The following RAI1 variants were observed in gnomAD, a reference collection of about 807,000 sequenced individuals.
The protein encoded by RAI1 is retinoic acid-induced protein 1.
Under a neutral mutation model 123.8 loss-of-function variants are expected in RAI1, and 9 were observed. That is an observed-to-expected ratio of 0.07 (90% CI 0.04 to 0.13). RAI1 has a LOEUF of 0.13. RAI1 is among the 10% of genes least tolerant of loss of function. The pLI, the probability that RAI1 is intolerant of heterozygous loss-of-function variation, is 1.00. For synonymous variants in RAI1, 1,231 were observed against 1,127.3 expected, an observed-to-expected ratio of 1.09 and a Z score of -1.84; for missense variants, 2,256 against 2,545.8, an observed-to-expected ratio of 0.89 and a Z score of 2.45.
At chr17:17,783,475 G>A (rs1316491896) in intron 2 of RAI1, among the ~76,000 whole-genome samples, 1 of 152,064 alleles carries the variant, frequency 6.6e-6, no homozygotes, top group African/African-American at 2.4e-5. Flanking sequence ...GAGTCCTGCG[G>A]ATTTTCTCCG....
Position 17,794,035 on chromosome 17 carries a change from C to T in RAI1, c.1087C>T (p.Leu363=). 6.2e-7 allele frequency: 1 copy of T among 1,614,002 alleles called. No individual in the cohort carries two copies. The highest frequency in any genetic ancestry group is 8.5e-7 in the Non-Finnish European group (1 of 1,180,036). Residue 363 remains leucine, a synonymous_variant, in exon 3 of 6, where the codon CTG becomes TTG. Transcript: ENST00000353383. ...SPSYSSTPSP[L]MPNLENFPYS... ...TTCCTACAGTTCCACACCGTCGCCG[C>T]TGATGCCAAACCTGGAGAACTTTCC...
At chr17:17,723,066 C>T (rs1915938576) in intron 1 of RAI1, among the ~76,000 whole-genome samples, 1 of 152,208 alleles carries the variant, frequency 6.6e-6, no homozygotes. Context: ...TACAGGCGCA[C>T]TGCCCCTACA....
At position 17,714,418 on chromosome 17, in the gene RAI1, T is replaced by C. The variant is rs1915652948; in HGVS notation, c.-148-9610T>C. 6.6e-6 allele frequency among the ~76,000 whole-genome samples: 1 copy of C among 152,084 alleles called. No homozygotes were observed. Among genetic ancestry groups the C allele is most frequent in the Non-Finnish European group, 1.5e-5 (1 of 68,024 alleles). ...CAGTGTCTAGGCCATCGCTGTGAAA[T>C]TGGAATTTGATACTAATCCTGGAGA... On this transcript the variant is annotated intron_variant, in intron 1 of 5. Coordinates refer to ENST00000353383, the MANE Select transcript of RAI1 (RefSeq NM_030665.4). This position sits in a 1 kb window ranked among gnomAD's most constrained non-coding sequence, Gnocchi z 4.9.
rs1254793482 is a variant in RAI1 at position 17,796,206 on chromosome 17, C to T, written c.3258C>T (p.Gly1086=). 2 of 1,554,254 alleles carry T rather than the reference C, an allele frequency of 1.3e-6. No individual in the cohort carries two copies. Among genetic ancestry groups the T allele is most frequent in the African/African-American group, 1.4e-5 (1 of 73,208 alleles). The part of the protein sequence containing the change: ...TTPAPPDKLG[G]KQRAAFKSGK... ...CTGCACCCCCAGACAAACTGGGGGG[C>T]AAGCAGCGAGCCGCCTTCAAGTCGG... is the stretch of plus-strand genomic sequence containing the variant. Residue 1086 remains glycine (G), a synonymous_variant, in exon 3 of 6, where the codon GGC becomes GGT. Transcript: ENST00000353383. This position sits in a 1 kb window ranked among gnomAD's most constrained non-coding sequence, Gnocchi z 5.8.
At chr17:17,806,172 A>G (rs188503500) in intron 4 of RAI1, among the ~76,000 whole-genome samples, 12 of 152,388 alleles carry the variant, frequency 7.9e-5, no homozygotes, top group East Asian at 7.7e-4. Flanking sequence ...CTGTCTGAAC[A>G]AGGGAGAAAT....
At chr17:17,752,040 T>C (rs796367315) in intron 2 of RAI1, among the ~76,000 whole-genome samples, 56 of 152,330 alleles carry the variant, frequency 3.7e-4, no homozygotes, top group African/African-American at 1.3e-3. Flanking sequence ...TAAATGTTTG[T>C]TGAAGTATGA....
At position 17,796,929 on chromosome 17, in the gene RAI1, G is replaced by A; in HGVS notation, c.3981G>A (p.Leu1327=). 1 of 1,613,558 alleles carries A rather than the reference G, an allele frequency of 6.2e-7. No individual in the cohort carries two copies. Among genetic ancestry groups the A allele is most frequent in the Non-Finnish European group, 8.5e-7 (1 of 1,180,046 alleles). Residue 1327 remains leucine, a synonymous_variant, in exon 3 of 6, where the codon CTG becomes CTA. Coordinates refer to ENST00000353383, the MANE Select transcript of RAI1 (RefSeq NM_030665.4). The surrounding 1 kb of genome is among the most constrained non-coding windows in gnomAD (Gnocchi z 5.8). ...KVLPPRKGRG[L]KLEAIVQKIT... is the part of the protein sequence containing the mutation. ...TGCCACCCCGGAAGGGCCGGGGCCT[G>A]AAGCTGGAAGCCATCGTGCAGAAGA...
At chr17:17,696,982 C>A (rs1051901626) in intron 1 of RAI1, among the ~76,000 whole-genome samples, 1 of 152,224 alleles carries the variant, frequency 6.6e-6, no homozygotes, top group Non-Finnish European at 1.5e-5. Context: ...TCTCTAGCCT[C>A]TCTCTGGAGG....
intron 2 of RAI1, among the ~76,000 whole-genome samples, chr17:17,757,247 C>T (rs1272694463): frequency 2.0e-5 from 3 of 152,202 alleles, no homozygotes; most frequent in South Asian, 2.1e-4. Flanking sequence ...GGCCTGAAGA[C>T]GGCAGCTCAT....
At chr17:17,756,524 C>G (rs2030444021) in intron 2 of RAI1, among the ~76,000 whole-genome samples, 1 of 152,112 alleles carries the variant, frequency 6.6e-6, no homozygotes, top group Non-Finnish European at 1.5e-5. Context: ...TTTGGAAACT[C>G]CTTTGAAATA....
intron 2 of RAI1, among the ~76,000 whole-genome samples, chr17:17,751,846 A>C (rs934038411): frequency 1.3e-5 from 2 of 152,186 alleles, no homozygotes; most frequent in Non-Finnish European, 2.9e-5. Context: ...CAGAGCACTC[A>C]GTCGCGGTGT....
At chr17:17,770,900 C>G (rs1282675269) in intron 2 of RAI1, 1 of 152,386 alleles carries the variant, frequency 6.6e-6, no homozygotes, top group East Asian at 1.9e-4. Flanking sequence ...AGGCATGTGC[C>G]CTCCCTCTGC....
chr17:17,782,918 C>T (rs1031353528), intron 2 of RAI1, among the ~76,000 whole-genome samples: 1 of 152,054 alleles, frequency 6.6e-6, no homozygotes, highest in African/African-American at 2.4e-5. Context: ...TACGCCCCGC[C>T]CTGCGCGCCC....
intron 1 of RAI1, among the ~76,000 whole-genome samples, chr17:17,704,865 G>T (rs1472380715): frequency 2.5e-4 from 6 of 23,792 alleles, no homozygotes; most frequent in South Asian, 8.1e-4. Flanking sequence ...GTTTTTGGGT[G>T]GGGGGGCCGG....
At chr17:17,786,940 G>C (rs975182448) in intron 2 of RAI1, among the ~76,000 whole-genome samples, 1 of 152,218 alleles carries the variant, frequency 6.6e-6, no homozygotes, top group African/African-American at 2.4e-5. Flanking sequence ...GGGCGTTGTG[G>C]CACATGCCTG....
Position 17,796,883 on chromosome 17 carries a change from G to A in RAI1, c.3935G>A (p.Gly1312Glu). The A allele has an allele frequency of 6.2e-7, 1 of 1,613,234 alleles. No homozygotes were observed. The highest frequency in any genetic ancestry group is 8.5e-7 in the Non-Finnish European group (1 of 1,180,024). ...CTCGCCTCTCGGGCAGCCTTCCAGGGGGCCATGAAGACCAAGGTGCTGCCA... is the reference window on the plus strand; with the variant it reads ...CTCGCCTCTCGGGCAGCCTTCCAGGAGGCCATGAAGACCAAGGTGCTGCCA... Reference protein sequence around the residue: ...LKLASRAAFQGAMKTKVLPPR... With the variant: ...LKLASRAAFQEAMKTKVLPPR... Residue 1312 changes from glycine to glutamate, a missense_variant, in exon 3 of 6, where the codon GGG (glycine) becomes GAG (glutamate). Gly to Glu is a moderately conservative substitution (Grantham distance 98). Around this residue, in one of 7 missense-constraint regions of RAI1, gnomAD observed 322 missense variants for 358.0 expected, o/e 0.90. Coordinates refer to ENST00000353383, the MANE Select transcript of RAI1 (RefSeq NM_030665.4). The surrounding 1 kb of genome is among the most constrained non-coding windows in gnomAD (Gnocchi z 5.8).
intron 1 of RAI1, among the ~76,000 whole-genome samples, chr17:17,716,466 A>G (rs748505012): frequency 1.1e-4 from 17 of 152,172 alleles, no homozygotes; most frequent in Non-Finnish European, 1.9e-4. Flanking sequence ...GAGTGTGTGT[A>G]CACACAGATG....
At chr17:17,712,711 G>A (rs1031725062) in intron 1 of RAI1, among the ~76,000 whole-genome samples, 3 of 152,194 alleles carry the variant, frequency 2.0e-5, no homozygotes, top group Non-Finnish European at 2.9e-5. Flanking sequence ...GAACAGGAAG[G>A]GGGTAGTCAC....
intron 2 of RAI1, among the ~76,000 whole-genome samples, chr17:17,790,640 C>T (rs893569210): frequency 1.3e-5 from 2 of 152,124 alleles, no homozygotes; most frequent in Admixed American, 6.5e-5. Flanking sequence ...AAAATAAAGC[C>T]GTAGAAATGT....
Sources: gnomAD v4.1 joint callset for allele counts (sites outside exome capture counted in the v4.1 genomes callset) on GRCh38, gnomAD v4.1.1 for gene constraint, gnomAD v4.1.1 regional missense constraint, Gnocchi (gnomAD v3.1) non-coding constraint, MANE v1.5 for transcripts, NCBI Gene and HGNC (gene_info 2026-07-23, HGNC 2026-07-21) for gene names.